NOS1AP: variants seen among roughly 807,000 people sequenced by gnomAD.
The protein encoded by NOS1AP is carboxyl-terminal PDZ ligand of neuronal nitric oxide synthase protein.
A neutral mutation model predicts 56.2 loss-of-function variants in NOS1AP; 21 were observed. The observed-to-expected ratio is 0.37, with a 90% CI of 0.26 to 0.54. NOS1AP has a LOEUF of 0.54. Among genes scored for constraint, NOS1AP ranks in the 20% least tolerant of loss-of-function variants. The pLI is 0.84. For missense variants in NOS1AP, 522 were observed against 657.8 expected, an observed-to-expected ratio of 0.79 and a Z score of 2.26; for synonymous variants, 270 against 274.6, an observed-to-expected ratio of 0.98 and a Z score of 0.17.
chr1:162,306,273 T>C (rs1340972481), intron 4 of NOS1AP, among the ~76,000 whole-genome samples: 1 of 152,180 alleles, frequency 6.6e-6, no homozygotes, highest in Non-Finnish European at 1.5e-5. Context: ...CAGTGAAGTT[T>C]CTGATGCTGG....
At chr1:162,365,197 A>C in intron 8 of NOS1AP, 1 of 1,444,796 alleles carries the variant, frequency 6.9e-7, no homozygotes, top group Non-Finnish European at 9.1e-7. Context: ...TAGGACACAC[A>C]GCTTCGCAGT....
chr1:162,355,113 T>C, intron 6 of NOS1AP, 74 bp from the exon 7 acceptor site: 2 of 1,567,088 alleles, frequency 1.3e-6, no homozygotes, highest in East Asian at 2.2e-5. Context: ...GCCTGAAAGC[T>C]AAAGTATTAG....
At chr1:162,329,361 A>AAAAG (rs1557880275) in intron 4 of NOS1AP, among the ~76,000 whole-genome samples, 1 of 148,700 alleles carries the variant, frequency 6.7e-6, no homozygotes, top group East Asian at 2.0e-4. Context: ...CCAAGAAAAA[A>AAAAG]AGAGAGAGAG....
intron 2 of NOS1AP, among the ~76,000 whole-genome samples, chr1:162,194,721 G>A (rs1029392968): frequency 2.0e-5 from 3 of 152,218 alleles, no homozygotes; most frequent in Middle Eastern, 3.4e-3. Flanking sequence ...ACAGTGTCTC[G>A]CCAACAGCCC....
chr1:162,364,919 C>T, intron 8 of NOS1AP: 5 of 1,016,516 alleles, frequency 4.9e-6, no homozygotes, highest in Non-Finnish European at 5.9e-6. Flanking sequence ...TGACACTGTT[C>T]TTAGCCAGTG....
chr1:162,190,241 T>A (rs1205862496), intron 2 of NOS1AP, among the ~76,000 whole-genome samples: 1 of 152,252 alleles, frequency 6.6e-6, no homozygotes, highest in Non-Finnish European at 1.5e-5. Flanking sequence ...GCCCTTCAGA[T>A]ACTTGGCTCC....
chr1:162,331,907 C>T (rs1373211800), intron 4 of NOS1AP, among the ~76,000 whole-genome samples: 1 of 152,196 alleles, frequency 6.6e-6, no homozygotes, highest in Non-Finnish European at 1.5e-5. Context: ...CTTTCTCCAG[C>T]CTCCCCTTGT....
intron 1 of NOS1AP, among the ~76,000 whole-genome samples, chr1:162,074,992 GGTCAAA>G (rs1691738206): frequency 1.3e-5 from 2 of 152,150 alleles, no homozygotes; most frequent in Non-Finnish European, 2.9e-5. Context: ...ACATCCTGTT[GGTCAAA>G]ACAGGCTATT....
chr1:162,136,257 C>T (rs1166645315), intron 1 of NOS1AP, among the ~76,000 whole-genome samples: 2 of 152,118 alleles, frequency 1.3e-5, no homozygotes, highest in Non-Finnish European at 2.9e-5. Flanking sequence ...AAAACAGCTA[C>T]TGAGATGGGG....
At chr1:162,080,211 G>T (rs1288158386) in intron 1 of NOS1AP, among the ~76,000 whole-genome samples, 2 of 152,190 alleles carry the variant, frequency 1.3e-5, no homozygotes, top group Non-Finnish European at 2.9e-5. Context: ...CACTGGAGCA[G>T]TTGGCTTTAA....
Position 162,153,970 on chromosome 1 carries a change from CTT to C in NOS1AP, c.106-420_106-419del, listed in dbSNP as rs141108657. Among the ~76,000 whole-genome samples, 1,350 of 138,722 alleles carry C rather than the reference CTT, an allele frequency of 9.7e-3. 10 individuals carry two copies. The highest frequency in any genetic ancestry group is 0.025 in the South Asian group (108 of 4,322). 91.0% of individuals were successfully genotyped at this position (138,722 alleles called of 152,430 possible). On this transcript the variant is annotated intron_variant, in intron 1 of 9. Coordinates refer to ENST00000361897, the MANE Select transcript of NOS1AP (RefSeq NM_014697.3). ...CCATTAGTTAAAAAAGGTATATATT[CTT>C]TTTTTTTTTTTTTTGAGAGCACTAA...
In NOS1AP at chr1:162,077,797, CTCTT is replaced by C. The variant is rs1056139403; in HGVS notation, c.105+7521_105+7524del. ...TGTATGAAATACCTCTTCTTTCCAC[CTCTT>C]TCTTTAATTAACATGTTGTCTTTCT... On this transcript the variant is annotated intron_variant, in intron 1 of 9. Coordinates refer to ENST00000361897, the MANE Select transcript of NOS1AP (RefSeq NM_014697.3). Among the ~76,000 whole-genome samples the C allele has an allele frequency of 1.1e-4, 16 of 151,896 alleles. 1 individual carries two copies. The highest frequency in any genetic ancestry group is 3.9e-4 in the African/African-American group (16 of 41,398).
At chr1:162,156,866 A>G (rs1649998429) in intron 2 of NOS1AP, among the ~76,000 whole-genome samples, 3 of 152,194 alleles carry the variant, frequency 2.0e-5, no homozygotes, top group Admixed American at 1.3e-4. Context: ...TTCTAGGTCA[A>G]GTTGCTGTTA....
intron 2 of NOS1AP, among the ~76,000 whole-genome samples, chr1:162,187,883 A>G (rs563971589): frequency 6.6e-6 from 1 of 152,300 alleles, no homozygotes; most frequent in East Asian, 1.9e-4. Context: ...CAGATGCCAG[A>G]CTGTTTCCTG....
At chr1:162,201,817 A>G (rs767079596) in intron 2 of NOS1AP, among the ~76,000 whole-genome samples, 9 of 152,074 alleles carry the variant, frequency 5.9e-5, no homozygotes, top group Non-Finnish European at 1.2e-4. Flanking sequence ...TCTCTTGTAA[A>G]TTTGTTTAAG....
At chr1:162,325,744 T>G (rs1025742320) in intron 4 of NOS1AP, among the ~76,000 whole-genome samples, 1 of 152,172 alleles carries the variant, frequency 6.6e-6, no homozygotes, top group Non-Finnish European at 1.5e-5. Flanking sequence ...GAATACCACT[T>G]GATTTTGTCT....
chr1:162,339,144 C>T (rs1657026291), intron 5 of NOS1AP, among the ~76,000 whole-genome samples: 1 of 152,138 alleles, frequency 6.6e-6, no homozygotes, highest in African/African-American at 2.4e-5. Flanking sequence ...CTGTAGTTGA[C>T]ACTCCCATGA....
At chr1:162,321,723 A>AT (rs1288775085) in intron 4 of NOS1AP, among the ~76,000 whole-genome samples, 2 of 85,910 alleles carry the variant, frequency 2.3e-5, no homozygotes, top group African/African-American at 7.7e-5. Flanking sequence ...TATAATTAAA[A>AT]AAAAAAAAAT....
At chr1:162,262,477 A>T (rs1193901598) in intron 2 of NOS1AP, among the ~76,000 whole-genome samples, 3 of 152,138 alleles carry the variant, frequency 2.0e-5, no homozygotes, top group Admixed American at 6.6e-5. Context: ...TTTAGTCCAA[A>T]TTTTTTTAGG....
Sources: allele counts gnomAD v4.1 joint callset (sites outside exome capture counted in the v4.1 genomes callset), GRCh38; gene constraint gnomAD v4.1.1; transcripts MANE v1.5; gene names NCBI Gene and HGNC (gene_info 2026-07-23, HGNC 2026-07-21).